Variants in EIF2D observed in about 807,000 individuals in gnomAD.
EIF2D encodes the protein hepatocellular carcinoma-associated antigen 56.
Under a neutral mutation model 77.4 loss-of-function variants are expected in EIF2D, and 56 were observed. The ratio of observed to expected loss-of-function variants is 0.72; its 90% CI spans 0.58 to 0.90. The LOEUF (loss-of-function observed/expected upper bound fraction) is 0.90. Among genes scored for constraint, EIF2D ranks in the 40% least tolerant of loss-of-function variants. The probability of loss-of-function intolerance (pLI) is 0.00; values close to 1 mark genes in which losing one functional copy is unlikely to be tolerated. For synonymous variants in EIF2D, 230 were observed against 271.0 expected (o/e 0.85, Z 1.49); for missense variants, 574 against 706.5 (o/e 0.81, Z 2.13).
intron 11 of EIF2D, among the ~76,000 whole-genome samples, chr1:206,598,759 T>C (rs1669772087): frequency 6.6e-6 from 1 of 152,196 alleles, no homozygotes; most frequent in East Asian, 1.9e-4. Context: ...TTAAAGATGA[T>C]TCATGGGTAT....
At position 206,597,360 on chromosome 1, in the gene EIF2D, C is replaced by T. The variant is rs186861196; in HGVS notation, c.1293-165G>A. On this transcript the variant is annotated intron_variant, in intron 11 of 14. Transcript: ENST00000271764. ...ATGTACCTTATGGGTGGGAGATACA[C>T]GAATGCTTTCCTAGGAAAAGCAGGA... Among the ~76,000 whole-genome samples the T allele has an allele frequency of 3.4e-4, 51 of 152,236 alleles. 1 individual carries two copies. Among genetic ancestry groups the T allele is most frequent in the Middle Eastern group, 3.4e-3 (1 of 294 alleles).
intron 4 of EIF2D, among the ~76,000 whole-genome samples, chr1:206,578,172 G>A (rs1329539612): frequency 2.0e-5 from 3 of 151,970 alleles, no homozygotes; most frequent in Admixed American, 1.3e-4. Context: ...GCTGCAGTGA[G>A]TTGTGATTGC....
intron 4 of EIF2D, among the ~76,000 whole-genome samples, chr1:206,607,448 A>G (rs1236992976): frequency 2.6e-5 from 4 of 152,182 alleles, no homozygotes; most frequent in Non-Finnish European, 4.4e-5. Flanking sequence ...TCATACAATT[A>G]CTTCTTATTT....
intron 7 of EIF2D, 142 bp from the exon 8 acceptor site, chr1:206,600,450 G>T (rs1201066847): frequency 8.6e-6 from 6 of 697,538 alleles, no homozygotes; most frequent in Middle Eastern, 5.5e-4. Context: ...TCTGCCCAGG[G>T]ATGACAGCAG....
At position 206,595,795 on chromosome 1, in the gene EIF2D, C is replaced by G. The variant is rs151278422; in HGVS notation, c.1432G>C (p.Gly478Arg). The G allele has an allele frequency of 6.2e-7, 1 of 1,614,000 alleles. No individual in the cohort carries two copies. The highest frequency in any genetic ancestry group is 1.3e-5 in the African/African-American group (1 of 74,914). The change falls in exon 13 of 15, where the codon GGA (glycine) becomes CGA (arginine). Residue 478 changes from glycine (G) to arginine (R), a missense_variant. By Grantham distance (125) the Gly-to-Arg change is moderately radical (BLOSUM62 -2). Transcript: ENST00000271764. ...CCTTTCTTCACAATGGGCTCTTGTCCGGGAAGGGTCACTTGATAGGCAGGC... is the reference window on the plus strand; with the variant it reads ...CCTTTCTTCACAATGGGCTCTTGTCGGGGAAGGGTCACTTGATAGGCAGGC... Reference protein sequence around the residue: ...LQPAYQVTLPGQEPIVKKGRI... With the variant: ...LQPAYQVTLPRQEPIVKKGRI...
chr1:206,594,616 T>G (rs1669546357), intron 13 of EIF2D: 1 of 152,166 alleles, frequency 6.6e-6, no homozygotes, highest in African/African-American at 2.4e-5. Context: ...CCAGAAAATC[T>G]TAGAATCAAT....
At chr1:206,607,298 A>G (rs1463577250) in intron 4 of EIF2D, among the ~76,000 whole-genome samples, 1 of 152,246 alleles carries the variant, frequency 6.6e-6, no homozygotes, top group Non-Finnish European at 1.5e-5. Context: ...AAACACACAT[A>G]CCCTAAGCCA....
downstream of EIF2D, chr1:206,588,560 C>T (rs988320210): frequency 1.3e-5 from 2 of 152,338 alleles, no homozygotes; most frequent in Admixed American, 6.5e-5. Flanking sequence ...CCTCTTGGGT[C>T]GGTTCAAGCC....
intron 4 of EIF2D, among the ~76,000 whole-genome samples, chr1:206,576,144 A>G (rs1553405153): frequency 2.0e-5 from 3 of 152,256 alleles, no homozygotes; most frequent in Admixed American, 6.5e-5. Flanking sequence ...AACATGTGAA[A>G]CAATCATTAA....
At chr1:206,585,628 G>A (rs572864550) in intron 2 of EIF2D, 41 of 206,452 alleles carry the variant, frequency 2.0e-4, no homozygotes, top group African/African-American at 9.2e-4. Context: ...AAAATGGCCC[G>A]AGGGCTACCA....
At chr1:206,611,551 T>C (rs1367371639) in intron 1 of EIF2D, among the ~76,000 whole-genome samples, 177 bp from the exon 2 acceptor site, 2 of 152,230 alleles carry the variant, frequency 1.3e-5, no homozygotes, top group African/African-American at 4.8e-5. Flanking sequence ...TTTTCATCCA[T>C]TGTCATCTAT....
At chr1:206,603,367 A>G (rs2102295281) in intron 5 of EIF2D, 163 bp from the exon 6 acceptor site, 1 of 896,126 alleles carries the variant, frequency 1.1e-6, no homozygotes, top group Non-Finnish European at 1.6e-6. Flanking sequence ...CGTACTTTCA[A>G]TTCTGGGCCC....
At position 206,612,359 on chromosome 1, in the gene EIF2D, T is replaced by C; in HGVS notation, c.-17A>G. The C allele has an allele frequency of 4.3e-6, 7 of 1,614,132 alleles. No homozygotes were observed. The highest frequency in any genetic ancestry group is 5.9e-6 in the Non-Finnish European group (7 of 1,179,980). The stretch of plus-strand genomic sequence containing the variant: ...GGCAAACATGTCTGCTGGGGTGGCC[T>C]GGGGAAGAGAGCACAGAAGCCAGGG... On this transcript the variant is annotated 5_prime_UTR_variant, in exon 1 of 15. Transcript: ENST00000271764.
intron 4 of EIF2D, among the ~76,000 whole-genome samples, chr1:206,573,486 C>T (rs1668525666): frequency 1.3e-5 from 2 of 152,206 alleles, no homozygotes; most frequent in African/African-American, 2.4e-5. Context: ...ACGGGTGCTT[C>T]TCTCACGGAA....
intron 4 of EIF2D, among the ~76,000 whole-genome samples, chr1:206,574,086 G>T (rs966945305): frequency 6.6e-6 from 1 of 152,228 alleles, no homozygotes; most frequent in African/African-American, 2.4e-5. Flanking sequence ...CTCTGCAGGG[G>T]CTTGAACTTA....
At chr1:206,600,417 G>C (rs1478743712) in intron 7 of EIF2D, 109 bp from the exon 8 acceptor site, 1 of 973,528 alleles carries the variant, frequency 1.0e-6, no homozygotes, top group African/African-American at 1.6e-5. Flanking sequence ...CACCTTCAGA[G>C]AGAGGCCACT....
intron 6 of EIF2D, 65 bp from the exon 7 acceptor site, chr1:206,602,518 G>A (rs1208269375): frequency 3.5e-5 from 49 of 1,416,760 alleles, no homozygotes; most frequent in Non-Finnish European, 4.3e-5. Flanking sequence ...ACAAGAAAAC[G>A]ACCCCCAGCT....
chr1:206,583,553 T>G, intron 2 of EIF2D: 5 of 596,068 alleles, frequency 8.4e-6, no homozygotes, highest in Non-Finnish European at 1.5e-5. Context: ...CTCAGTGGCC[T>G]CCATGTGCTT....
At chr1:206,601,710 A>T (rs1373543627) in intron 7 of EIF2D, 3 of 152,340 alleles carry the variant, frequency 2.0e-5, no homozygotes, top group Admixed American at 6.5e-5. Context: ...GATTATTAGA[A>T]ATTAGGACTC....
Sources: gnomAD v4.1 joint callset for allele counts (sites outside exome capture counted in the v4.1 genomes callset) on GRCh38, gnomAD v4.1.1 for gene constraint, MANE v1.5 for transcripts, NCBI Gene and HGNC (gene_info 2026-07-23, HGNC 2026-07-21) for gene names.